Variants in LDLRAD3 observed in about 807,000 individuals in gnomAD.
LDLRAD3 encodes the protein low-density lipoprotein receptor class A domain-containing protein 3.
A neutral mutation model predicts 29.4 loss-of-function variants in LDLRAD3; 20 were observed. The ratio of observed to expected loss-of-function variants is 0.68; its 90% CI spans 0.48 to 0.99. LDLRAD3 has a LOEUF of 0.99. LDLRAD3 is among the 50% of genes least tolerant of loss of function. The pLI, the probability that LDLRAD3 is intolerant of heterozygous loss-of-function variation, is 0.00. For missense variants in LDLRAD3, 420 were observed against 454.3 expected (o/e 0.92, Z 0.69); for synonymous variants, 157 against 192.7 (o/e 0.81, Z 1.53).
chr11:36,097,981 G>A (rs1853387432), intron 3 of LDLRAD3, among the ~76,000 whole-genome samples: 1 of 152,224 alleles, frequency 6.6e-6, no homozygotes, highest in African/African-American at 2.4e-5. Flanking sequence ...ATGACCCTGT[G>A]CTGTCACCAA....
At chr11:36,137,643 C>T (rs759230775) in intron 4 of LDLRAD3, among the ~76,000 whole-genome samples, 3 of 152,162 alleles carry the variant, frequency 2.0e-5, no homozygotes, top group Non-Finnish European at 4.4e-5. Flanking sequence ...CACATTGTGC[C>T]CGTGGACAAC....
intron 4 of LDLRAD3, among the ~76,000 whole-genome samples, chr11:36,115,671 TC>T (rs1853664694): frequency 6.6e-6 from 1 of 152,098 alleles, no homozygotes; most frequent in Admixed American, 6.6e-5. Context: ...CCCCAGTCCC[TC>T]CTCACCTCAA....
chr11:36,144,738 A>G (rs1374279432), intron 4 of LDLRAD3, among the ~76,000 whole-genome samples: 2 of 114,216 alleles, frequency 1.8e-5, no homozygotes, highest in South Asian at 3.6e-4. Flanking sequence ...CCCGGCAGCC[A>G]CCCCGTCCGG....
At chr11:36,157,596 G>A (rs1430422481) in intron 4 of LDLRAD3, among the ~76,000 whole-genome samples, 3 of 152,192 alleles carry the variant, frequency 2.0e-5, no homozygotes, top group Admixed American at 1.3e-4. Flanking sequence ...TCTGTGGATT[G>A]GGGGTCATGA....
chr11:36,211,833 A>T (rs937395588), intron 4 of LDLRAD3, among the ~76,000 whole-genome samples: 2 of 152,166 alleles, frequency 1.3e-5, no homozygotes, highest in African/African-American at 4.8e-5. Flanking sequence ...ATTACACCAC[A>T]CTCACAAACT....
At chr11:36,184,991 C>CT (rs957906529) in intron 4 of LDLRAD3, among the ~76,000 whole-genome samples, 7 of 152,018 alleles carry the variant, frequency 4.6e-5, no homozygotes, top group South Asian at 2.1e-4. Context: ...TTACCTTTTC[C>CT]TTTTTTTTAC....
At chr11:36,083,735 TACACACACACACACACACAC>T (rs59333454) in intron 3 of LDLRAD3, among the ~76,000 whole-genome samples, 21 of 126,792 alleles carry the variant, frequency 1.7e-4, no homozygotes, top group African/African-American at 2.4e-4. Context: ...AGGGAGAAAT[TACACACACACACACACACAC>T]ACACACACAC....
intron 1 of LDLRAD3, among the ~76,000 whole-genome samples, chr11:36,007,380 G>A (rs1185096204): frequency 6.6e-6 from 1 of 152,184 alleles, no homozygotes; most frequent in African/African-American, 2.4e-5. Context: ...GGCCGGTATT[G>A]TAGGATTGAG....
intron 4 of LDLRAD3, among the ~76,000 whole-genome samples, chr11:36,105,205 TTGTGTGTGTGTGTG>T (rs10565208): frequency 7.2e-6 from 1 of 138,470 alleles, no homozygotes; most frequent in Non-Finnish European, 1.5e-5. Context: ...TCTGCAGAAT[TTGTGTGTGTGTGTG>T]TGTGTGTGTG....
intron 1 of LDLRAD3, among the ~76,000 whole-genome samples, chr11:36,007,914 A>C (rs909077847): frequency 2.0e-5 from 3 of 152,176 alleles, no homozygotes; most frequent in Admixed American, 6.5e-5. Flanking sequence ...GTGGCCAGAT[A>C]AAAGAATTGA....
At chr11:36,166,366 A>G (rs769052225) in intron 4 of LDLRAD3, among the ~76,000 whole-genome samples, 4 of 152,160 alleles carry the variant, frequency 2.6e-5, no homozygotes, top group African/African-American at 7.2e-5. Context: ...TCTCAGTGAG[A>G]CATGGAAGGG....
chr11:36,131,050 G>A (rs911193109), intron 4 of LDLRAD3, among the ~76,000 whole-genome samples: 16 of 152,324 alleles, frequency 1.1e-4, no homozygotes, highest in Non-Finnish European at 2.1e-4. Context: ...TCCAACCTGA[G>A]CTGTGCAGTT....
At chr11:36,170,927 G>A (rs1287846681) in intron 4 of LDLRAD3, among the ~76,000 whole-genome samples, 2 of 151,666 alleles carry the variant, frequency 1.3e-5, no homozygotes, top group African/African-American at 2.4e-5. Context: ...TCAGCCTCCC[G>A]AGTAGGTGGG....
chr11:35,970,342 T>G (rs1590694554), intron 1 of LDLRAD3, among the ~76,000 whole-genome samples: 1 of 55,664 alleles, frequency 1.8e-5, no homozygotes, highest in East Asian at 9.8e-4. Context: ...ACACAGACAC[T>G]CACAGAGGGA....
chr11:35,986,810 C>T (rs1032359917), intron 1 of LDLRAD3, among the ~76,000 whole-genome samples: 3 of 152,346 alleles, frequency 2.0e-5, no homozygotes, highest in South Asian at 4.1e-4. Flanking sequence ...ATGAGTATCA[C>T]TCTCTGCCAC....
chr11:36,084,065 T>A (rs1376854571), intron 3 of LDLRAD3, among the ~76,000 whole-genome samples: 1 of 151,324 alleles, frequency 6.6e-6, no homozygotes, highest in Admixed American at 6.6e-5. Flanking sequence ...ATCACAGGAG[T>A]GTGCCACCAC....
At chr11:35,953,115 T>C (rs1449497103) in intron 1 of LDLRAD3, among the ~76,000 whole-genome samples, 1 of 152,170 alleles carries the variant, frequency 6.6e-6, no homozygotes, top group Non-Finnish European at 1.5e-5. Context: ...AGAACCGGAC[T>C]CTCCTTTTGT....
At chr11:36,157,595 T>TG (rs1854372935) in intron 4 of LDLRAD3, among the ~76,000 whole-genome samples, 1 of 152,124 alleles carries the variant, frequency 6.6e-6, no homozygotes, top group African/African-American at 2.4e-5. Context: ...CTCTGTGGAT[T>TG]GGGGGTCATG....
intron 1 of LDLRAD3, among the ~76,000 whole-genome samples, chr11:35,981,566 T>C (rs895028104): frequency 6.6e-6 from 1 of 152,206 alleles, no homozygotes; most frequent in Admixed American, 6.5e-5. Context: ...GATCCTCAGA[T>C]TTTTTTAGGA....
Sources: allele counts gnomAD v4.1 joint callset (sites outside exome capture counted in the v4.1 genomes callset), GRCh38; gene constraint gnomAD v4.1.1; transcripts MANE v1.5; gene names NCBI Gene and HGNC (gene_info 2026-07-23, HGNC 2026-07-21).